The following CHRNA5 variants were observed in gnomAD, a reference collection of about 807,000 sequenced individuals.
CHRNA5 encodes cholinergic receptor nicotinic alpha 5 subunit.
Under a neutral mutation model 41.2 loss-of-function variants are expected in CHRNA5, and 28 were observed. The observed-to-expected ratio is 0.68, with a 90% CI of 0.50 to 0.93. The LOEUF is 0.93. CHRNA5 is among the 40% of genes least tolerant of loss of function. CHRNA5 has a pLI of 0.00. For missense variants in CHRNA5, 481 were observed against 581.9 expected (o/e 0.83, Z 1.78); for synonymous variants, 188 against 205.8 (o/e 0.91, Z 0.74).
At chr15:78,581,291 A>G (rs2052911342) in intron 2 of CHRNA5, among the ~76,000 whole-genome samples, 1 of 152,216 alleles carries the variant, frequency 6.6e-6, no homozygotes, top group Non-Finnish European at 1.5e-5. Context: ...AAAGAAAATA[A>G]ATTTTTAAGT....
At chr15:78,586,040 C>T (rs2052958414) in intron 2 of CHRNA5, among the ~76,000 whole-genome samples, 1 of 151,926 alleles carries the variant, frequency 6.6e-6, no homozygotes, top group Non-Finnish European at 1.5e-5. Context: ...GTGATCTGCC[C>T]ACCTTGGCCT....
intron 2 of CHRNA5, among the ~76,000 whole-genome samples, chr15:78,585,833 G>T (rs1426206671): frequency 7.6e-6 from 1 of 132,076 alleles, no homozygotes; most frequent in East Asian, 2.2e-4. Flanking sequence ...TGCCCAGGCT[G>T]TAGTGCAGTG....
chr15:78,591,035 C>G (rs1486515297), intron 5 of CHRNA5: 1 of 187,348 alleles, frequency 5.3e-6, no homozygotes, highest in Non-Finnish European at 1.1e-5. Flanking sequence ...TTGTGATAAT[C>G]TGTAGGCAGA....
intron 1 of CHRNA5, among the ~76,000 whole-genome samples, chr15:78,578,179 A>G (rs1431735584): frequency 6.6e-6 from 1 of 152,178 alleles, no homozygotes; most frequent in African/African-American, 2.4e-5. Flanking sequence ...TCACCACACA[A>G]ACTCCATAGT....
intron 3 of CHRNA5, among the ~76,000 whole-genome samples, chr15:78,587,473 G>GA (rs386383549): frequency 2.8e-3 from 1 of 356 alleles, no homozygotes; most frequent in South Asian, 0.5. Flanking sequence ...AGGTTTCTGA[G>GA]CTGGTGTGTG....
intron 2 of CHRNA5, among the ~76,000 whole-genome samples, chr15:78,586,141 T>C (rs1206846082): frequency 6.6e-6 from 1 of 152,150 alleles, no homozygotes; most frequent in Non-Finnish European, 1.5e-5. Flanking sequence ...TTCAGATTCT[T>C]CCCTCAGCAG....
intron 5 of CHRNA5, 121 bp downstream of exon 5, chr15:78,590,757 C>A: frequency 1.3e-6 from 1 of 774,486 alleles, no homozygotes; most frequent in South Asian, 1.9e-5. Context: ...AGATTGAGGG[C>A]CAGAATTGTT....
exon 6 of CHRNA5, chr15:78,594,106 T>A (rs1433689252): frequency 6.6e-6 from 1 of 152,134 alleles, no homozygotes; most frequent in Non-Finnish European, 1.5e-5. Context: ...TAAAAATAAA[T>A]GAAAAACAGG....
At chr15:78,574,081 G>A (rs1157089014) in intron 1 of CHRNA5, among the ~76,000 whole-genome samples, 2 of 148,304 alleles carry the variant, frequency 1.3e-5, no homozygotes, top group East Asian at 2.0e-4. Flanking sequence ...CCAAAGTGCT[G>A]GGATTACAGG....
At chr15:78,590,080 G>T in exon 5 of CHRNA5, 2 of 1,614,224 alleles carry the variant, frequency 1.2e-6, no homozygotes, top group Non-Finnish European at 1.7e-6. Context: ...AAAGGAAACA[G>T]AACCGACAGC....
chr15:78,586,893 G>A (rs755050811), intron 3 of CHRNA5, among the ~76,000 whole-genome samples: 1 of 152,178 alleles, frequency 6.6e-6, no homozygotes, highest in Non-Finnish European at 1.5e-5. Context: ...TTTTTGGAGT[G>A]CCTATTGTGT....
At chr15:78,580,697 C>T in intron 1 of CHRNA5, 114 bp from the exon 2 acceptor site, 1 of 753,966 alleles carries the variant, frequency 1.3e-6, no homozygotes. Context: ...AGTGCAGTGG[C>T]CCGATCTTGG....
rs374468403 is a variant in CHRNA5, at chr15:78,590,152, C to G, written c.761C>G (p.Thr254Ser). 8.1e-6 allele frequency: 13 copies of G among 1,614,014 alleles called. 1 individual carries two copies. The highest frequency in any genetic ancestry group is 1.6e-4 in the Middle Eastern group (1 of 6,084). The change falls in exon 5 of 6, where the codon ACC becomes AGC. Residue 254 changes from threonine (T) to serine (S), a missense_variant. Coordinates refer to ENST00000299565, the Ensembl canonical transcript of CHRNA5. Reference sequence around the variant, plus strand: ...ATCAAGCGCCTGCCTCTCTTTTATACCTTGTTCCTTATAATACCCTGTATT... The same window carrying G: ...ATCAAGCGCCTGCCTCTCTTTTATAGCTTGTTCCTTATAATACCCTGTATT...
chr15:78,590,494 G>A (rs1356352493), exon 5 of CHRNA5: 1 of 1,614,090 alleles, frequency 6.2e-7, no homozygotes, highest in Admixed American at 1.7e-5. Flanking sequence ...TGCATGAGAA[G>A]TCATGTAGAC....
chr15:78,582,070 A>G (rs1359977529), intron 2 of CHRNA5, among the ~76,000 whole-genome samples: 2 of 152,184 alleles, frequency 1.3e-5, no homozygotes, highest in Non-Finnish European at 2.9e-5. Flanking sequence ...TACCTTTTTC[A>G]AAGTCTATTG....
chr15:78,570,424 A>ATTTTTTTTTTTTTTTTTT lies in CHRNA5; in HGVS notation c.106+4607_106+4624dup, dbSNP rs71148540. On this transcript the variant is annotated intron_variant, in intron 1 of 5. Transcript: ENST00000299565. ...CAGGCATGTGCCACCAATCCCGGCT[A>ATTTTTTTTTTTTTTTTTT]TTTTTTTTTTTTTTTTTTTTTTTTT... Among the ~76,000 whole-genome samples, 190 of 64,166 alleles carry ATTTTTTTTTTTTTTTTTT rather than the reference A, an allele frequency of 3.0e-3. 24 individuals carry two copies. Among genetic ancestry groups the ATTTTTTTTTTTTTTTTTT allele is most frequent in the Non-Finnish European group, 4.4e-3 (163 of 37,436 alleles). 42.1% of individuals were successfully genotyped at this position (64,166 alleles called of 152,430 possible).
At chr15:78,592,077 ACTTTGGGAGGCTGAGGCAGG>A (rs1182651307) in intron 5 of CHRNA5, among the ~76,000 whole-genome samples, 1 of 152,160 alleles carries the variant, frequency 6.6e-6, no homozygotes, top group Non-Finnish European at 1.5e-5. Flanking sequence ...TAATCCCAGC[ACTTTGGGAGGCTGAGGCAGG>A]TGGATCACGA....
At chr15:78,590,697 CA>C (rs1334198257) in intron 5 of CHRNA5, 61 bp downstream of exon 5, 1 of 1,443,948 alleles carries the variant, frequency 6.9e-7, no homozygotes, top group African/African-American at 1.4e-5. Flanking sequence ...AAGTTACTTT[CA>C]TTAATTTTGG....
chr15:78,590,430 G>A, exon 5 of CHRNA5: 1 of 1,614,162 alleles, frequency 6.2e-7, no homozygotes, highest in Non-Finnish European at 8.5e-7. Context: ...AACACATAAT[G>A]CCATGGCGCC....
Sources: allele counts gnomAD v4.1 joint callset (sites outside exome capture counted in the v4.1 genomes callset), GRCh38; gene constraint gnomAD v4.1.1; transcripts MANE v1.5; gene names NCBI Gene and HGNC (gene_info 2026-07-23, HGNC 2026-07-21).